The following PAX3 variants were observed in gnomAD, a reference collection of about 807,000 sequenced individuals.
PAX3 encodes paired box protein Pax-3.
Under a neutral mutation model 51.6 loss-of-function variants are expected in PAX3, and 14 were observed. The observed-to-expected ratio is 0.27, with a 90% confidence interval of 0.18 to 0.42. PAX3 has a LOEUF of 0.42. Among genes scored for constraint, PAX3 ranks in the 10% least tolerant of loss-of-function variants. PAX3 has a pLI of 1.00. For synonymous variants in PAX3, 280 were observed against 253.4 expected, an observed-to-expected ratio of 1.11 and a Z score of -1.00; for missense variants, 540 against 642.8, an observed-to-expected ratio of 0.84 and a Z score of 1.73.
At chr2:222,278,604 G>A (rs1394376874) in intron 4 of PAX3, among the ~76,000 whole-genome samples, 1 of 152,212 alleles carries the variant, frequency 6.6e-6, no homozygotes, top group East Asian at 1.9e-4. Context: ...ATCCACTTGT[G>A]GTGGAGGGAT....
In PAX3 at chr2:222,201,383, T is replaced by C. The variant is rs760868993; in HGVS notation, c.*25A>G. The C allele has an allele frequency of 6.2e-7, 1 of 1,612,842 alleles. No individual in the cohort carries two copies. Among genetic ancestry groups the C allele is most frequent in the African/African-American group, 1.3e-5 (1 of 74,570 alleles). On this transcript the variant is annotated 3_prime_UTR_variant, in exon 9 of 9. Coordinates refer to ENST00000392070, the MANE Select transcript of PAX3 (RefSeq NM_181458.4). Reference sequence around the variant, plus strand: ...CTGCGAAGACCAGAAACAGGGCCAGTTTTAGCTCCAAGTGGACAGTTCACT... The same window carrying C: ...CTGCGAAGACCAGAAACAGGGCCAGCTTTAGCTCCAAGTGGACAGTTCACT...
rs1691256742 is a variant in PAX3, at chr2:222,200,747, T to C, written c.*661A>G. The C allele has an allele frequency of 7.4e-6, 2 of 270,838 alleles. No homozygotes were observed. Among genetic ancestry groups the C allele is most frequent in the East Asian group, 5.4e-5 (1 of 18,426 alleles). The allele number at this position is 270,838 out of a possible 1,614,324, so 16.8% of individuals were successfully genotyped here. On this transcript the variant is annotated 3_prime_UTR_variant, in exon 9 of 9. Coordinates refer to ENST00000392070, the MANE Select transcript of PAX3 (RefSeq NM_181458.4). ...TAGCCCATATCCTGTTAGCAAGACA[T>C]GTCCGGGCCATTTATTGACAACTAG...
At chr2:222,293,665 A>G in intron 4 of PAX3, 1 of 1,614,118 alleles carries the variant, frequency 6.2e-7, no homozygotes, top group Non-Finnish European at 8.5e-7. Context: ...TAAGGCAGCC[A>G]ATGTGGGGGC....
At chr2:222,283,418 G>C (rs1056171971) in intron 4 of PAX3, among the ~76,000 whole-genome samples, 3 of 152,200 alleles carry the variant, frequency 2.0e-5, no homozygotes, top group Non-Finnish European at 2.9e-5. Context: ...GCAGACAGAG[G>C]TGGGAGGAAA....
intron 7 of PAX3, among the ~76,000 whole-genome samples, chr2:222,209,202 G>T (rs2106047840): frequency 6.6e-6 from 1 of 152,226 alleles, no homozygotes; most frequent in Non-Finnish European, 1.5e-5. Context: ...AGCTCAACAA[G>T]GAAATTTCTT....
At chr2:222,278,995 G>A (rs562880120) in intron 4 of PAX3, among the ~76,000 whole-genome samples, 1 of 152,302 alleles carries the variant, frequency 6.6e-6, no homozygotes, top group East Asian at 1.9e-4. Context: ...CTGTTGCCCA[G>A]GCTGGAGTGC....
In PAX3 at chr2:222,260,567, T is replaced by G. The variant is rs1453023481; in HGVS notation, c.587-28284A>C. On this transcript the variant is annotated intron_variant, in intron 4 of 8. Transcript: ENST00000392070. ...AGCAACACAAGTTTTTTTTTTTTGT[T>G]TTTTTTTTTTGTTTTTTTTTTTTGT... Among the ~76,000 whole-genome samples, 243 of 75,076 alleles carry G rather than the reference T, an allele frequency of 3.2e-3. 1 individual carries two copies. Among genetic ancestry groups the G allele is most frequent in the African/African-American group, 0.015 (233 of 15,526 alleles). 49.3% of individuals were successfully genotyped at this position (75,076 alleles called of 152,430 possible).
chr2:222,207,057 C>A (rs1322023266), intron 7 of PAX3, among the ~76,000 whole-genome samples: 1 of 151,924 alleles, frequency 6.6e-6, no homozygotes, highest in African/African-American at 2.4e-5. Flanking sequence ...TTTTATTCTT[C>A]CATCCTTTCC....
chr2:222,295,150 C>A (rs1227914130), intron 3 of PAX3, among the ~76,000 whole-genome samples: 2 of 152,146 alleles, frequency 1.3e-5, no homozygotes, highest in African/African-American at 4.8e-5. Context: ...TTTGCGCACA[C>A]GGCAAAGTCC....
At chr2:222,271,932 C>A (rs1694266039) in intron 4 of PAX3, among the ~76,000 whole-genome samples, 1 of 152,196 alleles carries the variant, frequency 6.6e-6, no homozygotes, top group African/African-American at 2.4e-5. Flanking sequence ...TCACAAGGAG[C>A]TGTTTTATCA....
At chr2:222,296,915 CG>C in intron 2 of PAX3, 62 bp downstream of exon 2, 2 of 1,372,958 alleles carry the variant, frequency 1.5e-6, no homozygotes, top group South Asian at 2.4e-5. Context: ...ACCCCCCGCC[CG>C]GTCTTCCCCA....
At chr2:222,279,721 A>G (rs149673445) in intron 4 of PAX3, among the ~76,000 whole-genome samples, 2 of 152,368 alleles carry the variant, frequency 1.3e-5, no homozygotes, top group East Asian at 3.9e-4. Flanking sequence ...TTACAAAAAA[A>G]TAGAAAAGAT....
chr2:222,202,206 G>T lies in PAX3; in HGVS notation c.1174-16C>A. The T allele has an allele frequency of 1.3e-6, 2 of 1,540,626 alleles. No homozygotes were observed. Among genetic ancestry groups the T allele is most frequent in the Non-Finnish European group, 8.9e-7 (1 of 1,128,132 alleles). ...GTCCCATTACCTAAAAAAACAGCCA[G>T]ATTGGGAAGAGGTTAAAATGCAGAG... is the stretch of plus-strand genomic sequence containing the variant. On this transcript the variant is annotated splice_polypyrimidine_tract_variant and intron_variant, in intron 7 of 8. Coordinates refer to ENST00000392070, the MANE Select transcript of PAX3 (RefSeq NM_181458.4).
At chr2:222,289,477 C>T (rs1459174682) in intron 4 of PAX3, among the ~76,000 whole-genome samples, 1 of 152,214 alleles carries the variant, frequency 6.6e-6, no homozygotes, top group African/African-American at 2.4e-5. Flanking sequence ...TTCCGCCTCA[C>T]CGCCCGGGTG....
intron 4 of PAX3, among the ~76,000 whole-genome samples, chr2:222,280,741 C>G (rs1238785835): frequency 2.0e-5 from 3 of 152,150 alleles, no homozygotes; most frequent in Non-Finnish European, 4.4e-5. Context: ...CTGAGAAGCC[C>G]AGAAACTGAA....
intron 4 of PAX3, among the ~76,000 whole-genome samples, chr2:222,253,894 A>G (rs892341131): frequency 3.3e-5 from 5 of 152,116 alleles, no homozygotes; most frequent in African/African-American, 1.2e-4. Flanking sequence ...GGCACAAGCA[A>G]TCCTCCTGCC....
chr2:222,209,210 C>T (rs1055195012), intron 7 of PAX3, among the ~76,000 whole-genome samples: 2 of 152,176 alleles, frequency 1.3e-5, no homozygotes, highest in African/African-American at 4.8e-5. Context: ...AAGGAAATTT[C>T]TTCTTTCTTT....
At chr2:222,222,076 A>C (rs769580317) in intron 5 of PAX3, among the ~76,000 whole-genome samples, 2 of 152,186 alleles carry the variant, frequency 1.3e-5, no homozygotes, top group Non-Finnish European at 2.9e-5. Context: ...TGTGTCAAGC[A>C]CTATGCTAAC....
At chr2:222,288,010 T>G (rs1231367138) in intron 4 of PAX3, among the ~76,000 whole-genome samples, 1 of 152,234 alleles carries the variant, frequency 6.6e-6, no homozygotes, top group Non-Finnish European at 1.5e-5. Flanking sequence ...CAACCTCAGT[T>G]AGTGCTATTT....
Sources: gnomAD v4.1 joint callset for allele counts (sites outside exome capture counted in the v4.1 genomes callset) on GRCh38, gnomAD v4.1.1 for gene constraint, MANE v1.5 for transcripts, NCBI Gene and HGNC (gene_info 2026-07-23, HGNC 2026-07-21) for gene names.